Variants in OTOG observed in about 807,000 individuals in gnomAD.
OTOG encodes the protein otogelin.
A neutral mutation model predicts 313.8 loss-of-function variants in OTOG; 296 were observed. The observed-to-expected ratio is 0.94, with a 90% CI of 0.86 to 1.04. OTOG has a LOEUF of 1.04. Among genes scored for constraint, OTOG ranks in the 50% least tolerant of loss-of-function variants. OTOG has a pLI of 0.00. For synonymous variants in OTOG, 1,533 were observed against 1,554.9 expected, an observed-to-expected ratio of 0.99 and a Z score of 0.33; for missense variants, 3,948 against 3,840.1, an observed-to-expected ratio of 1.03 and a Z score of -0.74.
intron 30 of OTOG, 70 bp downstream of exon 30, chr11:17,597,077 T>A: frequency 6.6e-7 from 1 of 1,507,654 alleles, no homozygotes; most frequent in South Asian, 1.3e-5. Context: ...CTAGGGGTAC[T>A]GGCAGTCTGT....
Position 17,611,267 on chromosome 11 carries a change from C to T in OTOG, c.5967C>T (p.Ala1989=), listed in dbSNP as rs1030525679. Reference sequence around the variant, plus strand: ...TTCTGTTGCCTCAGCTGGCTGAGGCCCATGGAACCTCGGCAGGGCCTCACC... The same window carrying T: ...TTCTGTTGCCTCAGCTGGCTGAGGCTCATGGAACCTCGGCAGGGCCTCACC... ...MLVLLPQLAE[A]HGTSAGPHLA... The change falls in exon 36 of 56, where the codon GCC becomes GCT. Residue 1989 remains alanine, a synonymous_variant. Transcript: ENST00000399397. 5.2e-6 allele frequency: 8 copies of T among 1,550,336 alleles called. No individual in the cohort carries two copies. In the African/African-American group the frequency reaches 1.1e-4, roughly 21 times the overall value.
chr11:17,610,027 C>T lies in OTOG; in HGVS notation c.4727C>T (p.Thr1576Ile), dbSNP rs1030360369. Residue 1576 changes from threonine (T) to isoleucine (I), a missense_variant, in exon 36 of 56, where the codon ACA becomes ATA. By Grantham distance (89) the Thr-to-Ile change is moderately conservative (BLOSUM62 -1). Coordinates refer to ENST00000399397, the MANE Select transcript of OTOG (RefSeq NM_001292063.2). Reference protein sequence around the residue: ...ESSSLPVALQTPTPGMVSGAM... With the variant: ...ESSSLPVALQIPTPGMVSGAM... ...TCATCCCTCCCTGTTGCACTGCAGA[C>T]ACCCACACCTGGCATGGTGTCAGGT... is the stretch of plus-strand genomic sequence containing the variant. 5.2e-6 allele frequency: 8 copies of T among 1,548,474 alleles called. No individual in the cohort carries two copies. In the African/African-American group the frequency reaches 9.6e-5, roughly 19 times the overall value.
chr11:17,610,643 G>A lies in OTOG; in HGVS notation c.5343G>A (p.Gly1781=), dbSNP rs372108333. 1.9e-5 allele frequency: 29 copies of A among 1,550,480 alleles called. No homozygotes were observed. In the East Asian group the frequency reaches 2.9e-4, roughly 16 times the overall value. Residue 1781 remains glycine (G), a synonymous_variant, in exon 36 of 56, where the codon GGG becomes GGA. Coordinates refer to ENST00000399397, the MANE Select transcript of OTOG (RefSeq NM_001292063.2). ...CCAGCCTGTCAACAGCCACTGATGG[G>A]CTGGCAGCCACACCCTTCATGTCCC... ...AAASLSTATD[G]LAATPFMSLE... is the part of the protein sequence containing the mutation.
chr11:17,596,994 C>G lies in OTOG; in HGVS notation c.3669C>G (p.Thr1223=). The part of the protein sequence containing the change: ...CQHGVAVDWR[T]PRLCPYDCDF... The stretch of plus-strand genomic sequence containing the variant: ...ATGGGGTGGCTGTTGACTGGCGAAC[C>G]CCCCGCCTCTGCCGTGAGTGTCCCA... Residue 1223 remains threonine (T), a synonymous_variant, in exon 30 of 56, where the codon ACC becomes ACG. Coordinates refer to ENST00000399397, the MANE Select transcript of OTOG (RefSeq NM_001292063.2). 6.5e-7 allele frequency: 1 copy of G among 1,549,620 alleles called. No homozygotes were observed. The highest frequency in any genetic ancestry group is 8.7e-7 in the Non-Finnish European group (1 of 1,146,488).
rs945575651 is a variant in OTOG, at chr11:17,642,107, C to T, written c.8296-20C>T. The T allele has an allele frequency of 2.7e-5, 41 of 1,533,458 alleles. No homozygotes were observed. Among genetic ancestry groups the T allele is most frequent in the Non-Finnish European group, 3.4e-5 (39 of 1,136,732 alleles). 95.0% of individuals were successfully genotyped at this position (1,533,458 alleles called of 1,614,324 possible). A position where few individuals can be genotyped will look rare whatever the true frequency, so the allele number is the denominator to read the frequency against. On this transcript the variant is annotated intron_variant, in intron 52 of 55. Transcript: ENST00000399397. ...GTCCATCTGGCCACAGCTCCCATTA[C>T]CTACTTCTGTGCCCTCCAGCCCGGG...
chr11:17,593,785 C>G, intron 27 of OTOG, 29 bp downstream of exon 27: 1 of 1,543,766 alleles, frequency 6.5e-7, no homozygotes, highest in Non-Finnish European at 8.7e-7. Context: ...ACATTCTGCT[C>G]CTGCCTGGGG....
chr11:17,555,262 C>A (rs970075879), intron 6 of OTOG, among the ~76,000 whole-genome samples: 1 of 150,992 alleles, frequency 6.6e-6, no homozygotes, highest in Non-Finnish European at 1.5e-5. Context: ...GAGATGTGTG[C>A]CGATGGGTGT....
Position 17,642,117 on chromosome 11 carries a change from T to C in OTOG, c.8296-10T>C. 6.5e-7 allele frequency: 1 copy of C among 1,537,990 alleles called. No homozygotes were observed. Among genetic ancestry groups the C allele is most frequent in the South Asian group, 1.2e-5 (1 of 81,860 alleles). On this transcript the variant is annotated splice_polypyrimidine_tract_variant and intron_variant, in intron 52 of 55. Coordinates refer to ENST00000399397, the MANE Select transcript of OTOG (RefSeq NM_001292063.2). ...CCACAGCTCCCATTACCTACTTCTG[T>C]GCCCTCCAGCCCGGGGCATCCTGGA... is the stretch of plus-strand genomic sequence containing the variant.
chr11:17,576,695 T>A, intron 21 of OTOG, 65 bp downstream of exon 21: 1 of 1,476,476 alleles, frequency 6.8e-7, no homozygotes, highest in Non-Finnish European at 9.3e-7. Flanking sequence ...CTGAAGACAG[T>A]GCAGCTGATG....
Position 17,557,203 on chromosome 11 carries a change from C to A in OTOG, c.745C>A (p.Leu249Met). The change falls in exon 8 of 56, where the codon CTG becomes ATG. Residue 249 changes from leucine (L) to methionine (M), a missense_variant. Leu to Met is a conservative substitution (Grantham distance 15). Transcript: ENST00000399397. ...VIVRHQSAFTLAWDGASAVYI... is the reference protein window; with the variant it reads ...VIVRHQSAFTMAWDGASAVYI... ...CGTGCGGCATCAGTCAGCCTTCACA[C>A]TGGCCTGGGATGGTGCCTCGGCTGT... The A allele has an allele frequency of 1.9e-6, 3 of 1,550,658 alleles. No individual in the cohort carries two copies. Among genetic ancestry groups the A allele is most frequent in the East Asian group, 2.4e-5 (1 of 40,922 alleles).
Position 17,635,659 on chromosome 11 carries a change from G to A in OTOG, c.7743G>A (p.Ala2581=), listed in dbSNP as rs373251303. 2.8e-5 allele frequency: 44 copies of A among 1,550,404 alleles called. No homozygotes were observed. The Admixed American group carries it at 2.9e-4, about 10-fold the overall frequency. ...DSIPECQEGE[A]LTVHRNTTEL... ...TCCCCGAATGTCAAGAAGGGGAGGCGCTCACTGTGCACAGGAATACCACGG... is the reference window on the plus strand; with the variant it reads ...TCCCCGAATGTCAAGAAGGGGAGGCACTCACTGTGCACAGGAATACCACGG... The change falls in exon 47 of 56, where the codon GCG becomes GCA. Residue 2581 remains alanine, a synonymous_variant. Coordinates refer to ENST00000399397, the MANE Select transcript of OTOG (RefSeq NM_001292063.2).
intron 47 of OTOG, 89 bp from the exon 48 acceptor site, chr11:17,638,362 A>G (rs1167980326): frequency 2.7e-6 from 3 of 1,101,668 alleles, no homozygotes; most frequent in Non-Finnish European, 2.6e-6. Flanking sequence ...AGCTGGGGGT[A>G]GCCTCTCTTT....
chr11:17,555,621 C>T lies in OTOG; in HGVS notation c.541-158C>T. On this transcript the variant is annotated intron_variant, in intron 6 of 55. Transcript: ENST00000399397. ...CACCTCTCTGTGAATCCATTGCCTC[C>T]CCTCTGTGATGTATGGGGACTGAGC... 1.6e-5 allele frequency: 9 copies of T among 580,162 alleles called. No homozygotes were observed. The South Asian group carries it at 1.6e-4, about 10-fold the overall frequency. 35.9% of individuals were successfully genotyped at this position (580,162 alleles called of 1,614,324 possible).
chr11:17,547,868 G>A (rs1851843603), intron 1 of OTOG, 59 bp from the exon 2 acceptor site: 2 of 445,134 alleles, frequency 4.5e-6, no homozygotes, highest in Non-Finnish European at 7.9e-6. Flanking sequence ...GGGGCCAGGT[G>A]GTGGGAGGCC....
In OTOG at chr11:17,574,710, C is replaced by G; in HGVS notation, c.2294-10C>G. On this transcript the variant is annotated splice_polypyrimidine_tract_variant and intron_variant, in intron 19 of 55. Coordinates refer to ENST00000399397, the MANE Select transcript of OTOG (RefSeq NM_001292063.2). ...GAGACAAAGCATGCACCACTCCCCC[C>G]TCACTGCAGCACTGTCCTGTGAGGC... 3 of 1,548,106 alleles carry G rather than the reference C, an allele frequency of 1.9e-6. No homozygotes were observed. The highest frequency in any genetic ancestry group is 2.5e-5 in the East Asian group (1 of 40,722).
Position 17,610,419 on chromosome 11 carries a change from G to T in OTOG, c.5119G>T (p.Val1707Phe), listed in dbSNP as rs1300159723. Residue 1707 changes from valine (V) to phenylalanine (F), a missense_variant, in exon 36 of 56, where the codon GTT becomes TTT. Physicochemically the swap from Val to Phe is conservative, Grantham distance 50. Coordinates refer to ENST00000399397, the MANE Select transcript of OTOG (RefSeq NM_001292063.2). ...TGTGGCTGGAACAGCAGCAGAACAGGTTCCTGTCAGTCCCCTTGCAACCAG... is the reference window on the plus strand; with the variant it reads ...TGTGGCTGGAACAGCAGCAGAACAGTTTCCTGTCAGTCCCCTTGCAACCAG... ...LTVAGTAAEQ[V>F]PVSPLATRSL... 3.2e-6 allele frequency: 5 copies of T among 1,550,522 alleles called. No individual in the cohort carries two copies. The highest frequency in any genetic ancestry group is 3.5e-6 in the Non-Finnish European group (4 of 1,146,956).
chr11:17,554,221 G>A (rs1312073142), intron 6 of OTOG, among the ~76,000 whole-genome samples: 1 of 152,274 alleles, frequency 6.6e-6, no homozygotes, highest in East Asian at 1.9e-4. Flanking sequence ...GCTGGCTGAA[G>A]AGCTCCTCAC....
In OTOG at chr11:17,611,154, G is replaced by T. The variant is rs1223285288; in HGVS notation, c.5854G>T (p.Ala1952Ser). Residue 1952 changes from alanine (A) to serine (S), a missense_variant, in exon 36 of 56, where the codon GCC becomes TCC. By Grantham distance (99) the Ala-to-Ser change is moderately conservative. Coordinates refer to ENST00000399397, the MANE Select transcript of OTOG (RefSeq NM_001292063.2). ...LTPLVAEPEG[A>S]QAGTALPVPT... ...GCCCTTGGTGGCTGAGCCCGAGGGA[G>T]CCCAGGCAGGCACAGCTCTGCCAGT... The T allele has an allele frequency of 1.5e-5, 24 of 1,550,318 alleles. No individual in the cohort carries two copies. The highest frequency in any genetic ancestry group is 1.9e-5 in the Non-Finnish European group (22 of 1,146,934).
intron 24 of OTOG, among the ~76,000 whole-genome samples, chr11:17,590,883 C>T (rs1476922814): frequency 6.6e-6 from 1 of 152,234 alleles, no homozygotes; most frequent in Non-Finnish European, 1.5e-5. Context: ...TCTACTCACA[C>T]ATGCCCCAAC....
Sources: allele counts gnomAD v4.1 joint callset (sites outside exome capture counted in the v4.1 genomes callset), GRCh38; gene constraint gnomAD v4.1.1; transcripts MANE v1.5; gene names NCBI Gene and HGNC (gene_info 2026-07-23, HGNC 2026-07-21).